CAPN3: variants seen among roughly 807,000 people sequenced by gnomAD.
CAPN3 encodes the protein calpain 3, also known as calpain-3.
A neutral mutation model predicts 114.0 loss-of-function variants in CAPN3; 88 were observed. The ratio of observed to expected loss-of-function variants is 0.77; its 90% confidence interval spans 0.65 to 0.92. The LOEUF is 0.92. Among genes scored for constraint, CAPN3 ranks in the 40% least tolerant of loss-of-function variants. The pLI is 0.00. For synonymous variants in CAPN3, 386 were observed against 382.9 expected (o/e 1.01, Z -0.09); for missense variants, 1,028 against 1,069.0 (o/e 0.96, Z 0.53).
intron 1 of CAPN3, among the ~76,000 whole-genome samples, chr15:42,365,394 C>A (rs1482617236): frequency 6.6e-6 from 1 of 152,150 alleles, no homozygotes; most frequent in African/African-American, 2.4e-5. Flanking sequence ...TCCCTTCCTC[C>A]ACTGTCCTCC....
chr15:42,401,485 C>CCTT (rs3036710), intron 10 of CAPN3, among the ~76,000 whole-genome samples, 156 bp from the exon 11 acceptor site: 1 of 127,036 alleles, frequency 7.9e-6, no homozygotes, highest in Non-Finnish European at 1.6e-5. Flanking sequence ...CCCCCCCCCC[C>CCTT]CCAAATCATT....
Position 42,411,848 on chromosome 15 carries a change from T to G in CAPN3, c.*75T>G. 6.2e-7 allele frequency: 1 copy of G among 1,613,076 alleles called. No individual in the cohort carries two copies. Among genetic ancestry groups the G allele is most frequent in the South Asian group, 1.1e-5 (1 of 90,852 alleles). ...TTCACCCTCTATTTCCAAAGCCATT[T>G]ACCTCAAAGGACCCAGCAGCTACAC... On this transcript the variant is annotated 3_prime_UTR_variant, in exon 24 of 24. Coordinates refer to ENST00000397163, the MANE Select transcript of CAPN3 (RefSeq NM_000070.3).
rs1424074557 is a variant in CAPN3, at chr15:42,412,121, A to G, written c.*348A>G. The G allele has an allele frequency of 6.5e-7, 1 of 1,535,742 alleles. No individual in the cohort carries two copies. Among genetic ancestry groups the G allele is most frequent in the Non-Finnish European group, 8.7e-7 (1 of 1,146,822 alleles). The stretch of plus-strand genomic sequence containing the variant: ...GAAGCACCTGCCGGTGGCACTCAGC[A>G]CCTCCTTGTGCTAGAGCCCTCCATC... On this transcript the variant is annotated 3_prime_UTR_variant, in exon 24 of 24. Transcript: ENST00000397163.
chr15:42,362,805 C>T (rs895043243), intron 1 of CAPN3, among the ~76,000 whole-genome samples: 3 of 152,156 alleles, frequency 2.0e-5, no homozygotes, highest in African/African-American at 7.2e-5. Context: ...CTGTAAAGCA[C>T]TTCTTGGAGA....
intron 9 of CAPN3, among the ~76,000 whole-genome samples, chr15:42,398,635 A>ACACG (rs1491555635): frequency 8.4e-5 from 12 of 142,848 alleles, no homozygotes; most frequent in African/African-American, 3.2e-4. Flanking sequence ...ACACACACAC[A>ACACG]TATATATACA....
At chr15:42,377,013 T>C (rs970120266) in intron 1 of CAPN3, among the ~76,000 whole-genome samples, 1 of 152,234 alleles carries the variant, frequency 6.6e-6, no homozygotes, top group East Asian at 1.9e-4. Flanking sequence ...ATATACTAAC[T>C]TGGAATCTTG....
At chr15:42,362,759 G>A (rs76251085) in intron 1 of CAPN3, among the ~76,000 whole-genome samples, 5,780 of 152,292 alleles carry the variant, frequency 0.038, 339 homozygotes, top group African/African-American at 0.12. Flanking sequence ...AGTTGACTTG[G>A]AACTGAAAAA....
At chr15:42,361,962 G>A (rs2052655184) in intron 1 of CAPN3, among the ~76,000 whole-genome samples, 1 of 152,228 alleles carries the variant, frequency 6.6e-6, no homozygotes, top group African/African-American at 2.4e-5. Context: ...CTCACTGAGA[G>A]CAGAAATCCT....
chr15:42,405,453 G>C (rs1282285273), intron 14 of CAPN3, among the ~76,000 whole-genome samples: 1 of 152,082 alleles, frequency 6.6e-6, no homozygotes, highest in East Asian at 1.9e-4. Context: ...TGAGATTACA[G>C]GTGCCCACCA....
At position 42,387,812 on chromosome 15, in the gene CAPN3, C is replaced by T; in HGVS notation, c.558C>T (p.Asn186=). The T allele has an allele frequency of 6.2e-7, 1 of 1,614,196 alleles. No homozygotes were observed. ...TAGATGACTGCCTGCCAACGTACAA[C>T]AATCAACTGGTTTTCACCAAGTCCA... ...VVIDDCLPTY[N]NQLVFTKSNH... The change falls in exon 4 of 24, where the codon AAC becomes AAT. Residue 186 remains asparagine, a synonymous_variant. Coordinates refer to ENST00000397163, the MANE Select transcript of CAPN3 (RefSeq NM_000070.3).
Position 42,411,241 on chromosome 15 carries a change from C to T in CAPN3, c.2381-46C>T, listed in dbSNP as rs370172254. ...TGAGGGGAAGTTACAGTAGTAGAGGCGGAGTGCGCCTGTAACTGGCCTCTG... is the reference window on the plus strand; with the variant it reads ...TGAGGGGAAGTTACAGTAGTAGAGGTGGAGTGCGCCTGTAACTGGCCTCTG... On this transcript the variant is annotated intron_variant, in intron 22 of 23. Transcript: ENST00000397163. 1.0e-4 allele frequency: 158 copies of T among 1,509,462 alleles called. 1 individual carries two copies. The highest frequency in any genetic ancestry group is 1.2e-4 in the Non-Finnish European group (135 of 1,084,442). The allele number at this position is 1,509,462 out of a possible 1,614,324, so 93.5% of individuals were successfully genotyped here.
In CAPN3 at chr15:42,359,704, T is replaced by C. The variant is rs1595793799; in HGVS notation, c.-102T>C. ...TGGATGTGGACACTTTTCTCTCAGA[T>C]GACAGAATTACTCCAACTTCCCCTT... On this transcript the variant is annotated 5_prime_UTR_variant, in exon 1 of 24. The change abolishes an upstream ATG in the 5' untranslated region. Transcript: ENST00000397163. 1.3e-6 allele frequency: 2 copies of C among 1,588,872 alleles called. No individual in the cohort carries two copies. Among genetic ancestry groups the C allele is most frequent in the East Asian group, 4.5e-5 (2 of 44,712 alleles).
intron 1 of CAPN3, among the ~76,000 whole-genome samples, chr15:42,380,088 G>A (rs142875677): frequency 0.022 from 3,356 of 152,154 alleles, 65 homozygotes; most frequent in Non-Finnish European, 0.032. Flanking sequence ...CGACAAGAGC[G>A]AAACTCTGTC....
At chr15:42,364,236 G>A (rs951959694) in intron 1 of CAPN3, among the ~76,000 whole-genome samples, 4 of 152,078 alleles carry the variant, frequency 2.6e-5, no homozygotes, top group African/African-American at 9.7e-5. Flanking sequence ...GGTAATCTTG[G>A]TCACATACTT....
intron 1 of CAPN3, among the ~76,000 whole-genome samples, chr15:42,370,375 C>T (rs2141124035): frequency 6.6e-6 from 1 of 152,280 alleles, no homozygotes; most frequent in Admixed American, 6.5e-5. Flanking sequence ...TTACTCCATG[C>T]CAGCATGAGA....
At chr15:42,403,443 C>T (rs1310488895) in intron 13 of CAPN3, among the ~76,000 whole-genome samples, 15 of 152,180 alleles carry the variant, frequency 9.9e-5, no homozygotes, top group Admixed American at 9.8e-4. Flanking sequence ...CAGATGAGCT[C>T]ATAGCCCCTG....
intron 10 of CAPN3, among the ~76,000 whole-genome samples, chr15:42,399,969 A>G (rs1275699266): frequency 1.3e-5 from 2 of 152,160 alleles, no homozygotes; most frequent in Non-Finnish European, 2.9e-5. Flanking sequence ...CAAACATCAT[A>G]GCTTAGCCTG....
At chr15:42,366,186 G>A (rs1448201993) in intron 1 of CAPN3, among the ~76,000 whole-genome samples, 4 of 152,124 alleles carry the variant, frequency 2.6e-5, no homozygotes, top group African/African-American at 9.7e-5. Flanking sequence ...AAAACGTGAG[G>A]GAGAAAAGCA....
At chr15:42,406,156 C>A (rs2054014955) in intron 15 of CAPN3, among the ~76,000 whole-genome samples, 3 of 152,176 alleles carry the variant, frequency 2.0e-5, no homozygotes, top group African/African-American at 7.2e-5. Context: ...CTTTTAGGTG[C>A]TTTCCATGAT....
Sources: allele counts gnomAD v4.1 joint callset (sites outside exome capture counted in the v4.1 genomes callset), GRCh38; gene constraint gnomAD v4.1.1; transcripts MANE v1.5; gene names NCBI Gene and HGNC (gene_info 2026-07-23, HGNC 2026-07-21).